DNAH6: variants seen among roughly 807,000 people sequenced by gnomAD.
The protein encoded by DNAH6 is dynein axonemal heavy chain 6.
Under a neutral mutation model 491.4 loss-of-function variants are expected in DNAH6, and 340 were observed. The ratio of observed to expected loss-of-function variants is 0.69; its 90% CI spans 0.63 to 0.76. The LOEUF is 0.76. Ranked by LOEUF, DNAH6 falls within the 30% of genes least tolerant of loss-of-function variation. DNAH6 has a pLI of 0.00. For missense variants in DNAH6, 4,443 were observed against 4,972.2 expected, an observed-to-expected ratio of 0.89 and a Z score of 3.20; for synonymous variants, 1,603 against 1,686.1, an observed-to-expected ratio of 0.95 and a Z score of 1.21.
chr2:84,797,547 T>G lies in DNAH6; in HGVS notation c.11370T>G (p.Phe3790Leu). ...TGTTTTTAATAACAGGCATCTATTT[T>G]GCACCCATGGCTGACAGCCTACAAG... is the stretch of plus-strand genomic sequence containing the variant. ...DYKYSESGIY[F>L]APMADSLQEF... Residue 3790 changes from phenylalanine to leucine, a missense_variant, in exon 70 of 77, where the codon TTT (phenylalanine) becomes TTG (leucine). This residue lies in a region of DNAH6 where 1,463 missense variants were observed against 1,656.6 expected (regional missense o/e 0.88). Transcript: ENST00000389394. 4 of 1,551,690 alleles carry G rather than the reference T, an allele frequency of 2.6e-6. No homozygotes were observed. The highest frequency in any genetic ancestry group is 3.5e-6 in the Non-Finnish European group (4 of 1,146,916).
Position 84,681,490 on chromosome 2 carries a change from A to C in DNAH6, c.6878A>C (p.Tyr2293Ser). 1 of 1,550,776 alleles carries C rather than the reference A, an allele frequency of 6.4e-7. No individual in the cohort carries two copies. The highest frequency in any genetic ancestry group is 1.2e-5 in the South Asian group (1 of 83,774). The change falls in exon 42 of 77, where the codon TAT becomes TCT. Residue 2293 changes from tyrosine (Y) to serine (S), a missense_variant. Tyr to Ser is a moderately radical substitution (Grantham distance 144). Around this residue, in one of 3 missense-constraint regions of DNAH6, gnomAD observed 2,977 missense variants for 3,296.6 expected, o/e 0.90. Coordinates refer to ENST00000389394, the MANE Select transcript of DNAH6 (RefSeq NM_001370.2). The part of the protein sequence containing the change: ...DLLPTPAKSH[Y>S]VFNLRDLSKC... ...CTGCCAACACCCGCCAAGTCCCATT[A>C]TGTCTTTAACTTGAGGGACTTATCC...
intron 15 of DNAH6, among the ~76,000 whole-genome samples, chr2:84,586,230 G>A (rs1316394150): frequency 2.0e-5 from 3 of 152,188 alleles, no homozygotes; most frequent in African/African-American, 7.2e-5. Context: ...GGTGGCTACA[G>A]CTGCGCCCAA....
In DNAH6 at chr2:84,688,600, T is replaced by A; in HGVS notation, c.7292+7T>A. 6.6e-7 allele frequency: 1 copy of A among 1,519,850 alleles called. No homozygotes were observed. The highest frequency in any genetic ancestry group is 8.8e-7 in the Non-Finnish European group (1 of 1,138,806). 94.1% of individuals were successfully genotyped at this position (1,519,850 alleles called of 1,614,324 possible). On this transcript the variant is annotated splice_region_variant and intron_variant, in intron 45 of 76. Coordinates refer to ENST00000389394, the MANE Select transcript of DNAH6 (RefSeq NM_001370.2). ...CTATAGAACATGTTTCAAGGTATAG[T>A]GCTATAAGGCGCCCAATAATGCATT...
At chr2:84,694,692 T>A (rs575924666) in intron 46 of DNAH6, among the ~76,000 whole-genome samples, 1 of 152,314 alleles carries the variant, frequency 6.6e-6, no homozygotes, top group East Asian at 1.9e-4. Flanking sequence ...TTAAATTTGA[T>A]CAAAGGTCGA....
chr2:84,618,289 G>T (rs1241086605), intron 23 of DNAH6, among the ~76,000 whole-genome samples: 4 of 152,080 alleles, frequency 2.6e-5, no homozygotes, highest in African/African-American at 9.7e-5. Context: ...GAAAGGGAGG[G>T]ATTGTCAGGA....
At position 84,670,377 on chromosome 2, in the gene DNAH6, A is replaced by G. The variant is rs17025409; in HGVS notation, c.6356A>G (p.Tyr2119Cys). 37,200 of 1,543,308 alleles carry G rather than the reference A, an allele frequency of 0.024. 633 individuals are homozygous for G. The highest frequency in any genetic ancestry group is 0.071 in the Middle Eastern group (424 of 5,966). Residue 2119 changes from tyrosine to cysteine, a missense_variant, in exon 39 of 77, where the codon TAT becomes TGT. By Grantham distance (194) the Tyr-to-Cys change is radical. Transcript: ENST00000389394. ...LLNKIQESAG[Y>C]VPVYLNFSAQ... is the part of the protein sequence containing the mutation. Reference sequence around the variant, plus strand: ...AATAAAATTCAAGAATCAGCTGGCTATGTCCCTGTTTATCTAAATTTTTCT... The same window carrying G: ...AATAAAATTCAAGAATCAGCTGGCTGTGTCCCTGTTTATCTAAATTTTTCT...
intron 29 of DNAH6, among the ~76,000 whole-genome samples, chr2:84,629,252 G>A (rs1428561886): frequency 6.6e-6 from 1 of 152,120 alleles, no homozygotes; most frequent in African/African-American, 2.4e-5. Context: ...CCAGGTGAAT[G>A]GGTGCCTGGT....
At chr2:84,583,824 G>T (rs1253251387) in intron 14 of DNAH6, among the ~76,000 whole-genome samples, 175 bp from the exon 15 acceptor site, 2 of 152,176 alleles carry the variant, frequency 1.3e-5, no homozygotes, top group Non-Finnish European at 2.9e-5. Context: ...GGAACTGTGA[G>T]TCCATTAAAC....
chr2:84,796,434 CT>C lies in DNAH6; in HGVS notation c.11359+13del. On this transcript the variant is annotated intron_variant, in intron 69 of 76. Coordinates refer to ENST00000389394, the MANE Select transcript of DNAH6 (RefSeq NM_001370.2). Reference sequence around the variant, plus strand: ...TAAATACTCTGAATCAGGTGAATGACTTTTCAATATTACAGAAAAGGCCTTT... The same window carrying C: ...TAAATACTCTGAATCAGGTGAATGACTTTCAATATTACAGAAAAGGCCTTT... 1 of 1,494,956 alleles carries C rather than the reference CT, an allele frequency of 6.7e-7. No individual in the cohort carries two copies. The highest frequency in any genetic ancestry group is 1.4e-5 in the African/African-American group (1 of 70,342). 92.6% of individuals were successfully genotyped at this position (1,494,956 alleles called of 1,614,324 possible).
chr2:84,614,202 C>A (rs1484265794), intron 22 of DNAH6, among the ~76,000 whole-genome samples: 5 of 151,990 alleles, frequency 3.3e-5, no homozygotes, highest in Admixed American at 6.6e-5. Context: ...TCCTTTCCCC[C>A]ACTTGCCTAA....
chr2:84,501,904 G>A, the DNAH6 span, among the ~76,000 whole-genome samples: 4 of 151,312 alleles, frequency 2.6e-5, no homozygotes, highest in South Asian at 4.2e-4. Context: ...CTTACTTATT[G>A]GGATCTTCTC....
the DNAH6 span, among the ~76,000 whole-genome samples, chr2:84,486,687 C>T: frequency 6.6e-6 from 1 of 152,202 alleles, no homozygotes; most frequent in Non-Finnish European, 1.5e-5. Flanking sequence ...ACAAACCTGG[C>T]AGTCTTCCAG....
intron 60 of DNAH6, among the ~76,000 whole-genome samples, chr2:84,724,344 C>T (rs1698429800): frequency 1.3e-5 from 2 of 152,214 alleles, no homozygotes; most frequent in South Asian, 4.1e-4. Flanking sequence ...CACTGTTCCA[C>T]AGACCTAGGT....
At chr2:84,698,847 T>C (rs2104813128) in intron 47 of DNAH6, among the ~76,000 whole-genome samples, 1 of 152,328 alleles carries the variant, frequency 6.6e-6, no homozygotes. Context: ...CATGGAATAC[T>C]ACACAGCCAT....
upstream of DNAH6, among the ~76,000 whole-genome samples, chr2:84,516,226 C>G (rs1675578926): frequency 6.6e-6 from 1 of 152,156 alleles, no homozygotes; most frequent in Admixed American, 6.5e-5. Flanking sequence ...CGATAAGCAA[C>G]GAAGCAAACA....
intron 15 of DNAH6, 107 bp downstream of exon 15, chr2:84,584,357 A>G: frequency 1.7e-6 from 2 of 1,158,172 alleles, no homozygotes; most frequent in African/African-American, 1.6e-5. Context: ...TTTACAATAT[A>G]TAATGTGATG....
Position 84,576,028 on chromosome 2 carries a change from A to C in DNAH6, c.1925-1229A>C, listed in dbSNP as rs1682408628. The stretch of plus-strand genomic sequence containing the variant: ...GTTTTGGACCAAATAAATGGTTCCC[A>C]AAGTTGTGTTCATTGGCACTGTTCT... On this transcript the variant is annotated intron_variant, in intron 12 of 76. Transcript: ENST00000389394. Among the ~76,000 whole-genome samples, 3 of 152,240 alleles carry C rather than the reference A, an allele frequency of 2.0e-5. No homozygotes were observed. In the South Asian group the frequency reaches 6.2e-4, roughly 32 times the overall value.
At chr2:84,653,287 G>T (rs1462114910) in intron 33 of DNAH6, 32 bp from the exon 34 acceptor site, 20 of 1,439,064 alleles carry the variant, frequency 1.4e-5, no homozygotes, top group Non-Finnish European at 1.8e-5. Context: ...ATGACCAGTT[G>T]TTCCTAATTG....
rs1483729587 is a variant in DNAH6 at position 84,808,548 on chromosome 2, A to T, written c.11739+6A>T. 1.3e-6 allele frequency: 2 copies of T among 1,551,384 alleles called. No individual in the cohort carries two copies. Among genetic ancestry groups the T allele is most frequent in the Non-Finnish European group, 8.7e-7 (1 of 1,146,800 alleles). ...ACCTGCTGAAGTTAATTCATGTATGAGAGCTTACTTTCATCATTGCTATTG... is the reference window on the plus strand; with the variant it reads ...ACCTGCTGAAGTTAATTCATGTATGTGAGCTTACTTTCATCATTGCTATTG... On this transcript the variant is annotated splice_donor_region_variant and intron_variant, in intron 72 of 76. Coordinates refer to ENST00000389394, the MANE Select transcript of DNAH6 (RefSeq NM_001370.2).
Sources: allele counts gnomAD v4.1 joint callset (sites outside exome capture counted in the v4.1 genomes callset), GRCh38; gene constraint gnomAD v4.1.1; regional missense constraint gnomAD v4.1.1; transcripts MANE v1.5; gene names NCBI Gene and HGNC (gene_info 2026-07-23, HGNC 2026-07-21).